CACNA1G: variants seen among roughly 807,000 people sequenced by gnomAD.
CACNA1G encodes the protein calcium voltage-gated channel subunit alpha1 G, also known as voltage-dependent T-type calcium channel subunit alpha-1G.
A neutral mutation model predicts 219.4 loss-of-function variants in CACNA1G; 67 were observed. The observed-to-expected ratio is 0.31, with a 90% CI of 0.25 to 0.37. The LOEUF is 0.37. Among genes scored for constraint, CACNA1G ranks in the 10% least tolerant of loss-of-function variants. CACNA1G has a pLI of 1.00. For missense variants in CACNA1G, 2,380 were observed against 3,231.4 expected, an observed-to-expected ratio of 0.74 and a Z score of 6.39; for synonymous variants, 1,296 against 1,345.3, an observed-to-expected ratio of 0.96 and a Z score of 0.80.
At chr17:50,595,124 C>A in intron 14 of CACNA1G, 63 bp downstream of exon 14, 1 of 1,230,660 alleles carries the variant, frequency 8.1e-7, no homozygotes, top group South Asian at 1.3e-5. Flanking sequence ...CTCCACTCCG[C>A]CTCCGTGTCT....
intron 22 of CACNA1G, among the ~76,000 whole-genome samples, chr17:50,605,621 G>A (rs950378762): frequency 2.6e-5 from 4 of 152,212 alleles, no homozygotes; most frequent in Non-Finnish European, 4.4e-5. Context: ...CTTGGCACAC[G>A]CCTGGCCTAA....
At chr17:50,610,473 T>G (rs748436608) in intron 26 of CACNA1G, among the ~76,000 whole-genome samples, 1 of 152,128 alleles carries the variant, frequency 6.6e-6, no homozygotes, top group African/African-American at 2.4e-5. Flanking sequence ...ACGAGCTTCT[T>G]CCAAAAAAAG....
intron 1 of CACNA1G, chr17:50,562,173 G>C (rs1431546547): frequency 6.5e-6 from 1 of 153,364 alleles, no homozygotes; most frequent in Admixed American, 6.4e-5. Flanking sequence ...CGGAGGAGGG[G>C]GGACCGCAAT....
intron 37 of CACNA1G, among the ~76,000 whole-genome samples, chr17:50,625,372 T>C (rs550566078): frequency 2.6e-5 from 4 of 152,196 alleles, no homozygotes; most frequent in Non-Finnish European, 5.9e-5. Flanking sequence ...CCTTATTCAT[T>C]CTGCAAATAG....
Position 50,616,290 on chromosome 17 carries a change from C to T in CACNA1G, c.4927C>T (p.Leu1643=), listed in dbSNP as rs767363507. The T allele has an allele frequency of 3.7e-6, 6 of 1,611,652 alleles. No homozygotes were observed. The highest frequency in any genetic ancestry group is 5.1e-6 in the Non-Finnish European group (6 of 1,177,782). ...YQQPQILDEA[L]KICNYIFTVI... ...TCCCTGCCAGATTCTGGATGAGGCT[C>T]TGAAGATCTGCAACTACATCTTCAC... The change falls in exon 28 of 38, where the codon CTG becomes TTG. Residue 1643 remains leucine (L), a synonymous_variant. Coordinates refer to ENST00000359106, the MANE Select transcript of CACNA1G (RefSeq NM_018896.5).
intron 9 of CACNA1G, among the ~76,000 whole-genome samples, chr17:50,582,658 G>A (rs561542164): frequency 5.9e-5 from 9 of 152,250 alleles, no homozygotes; most frequent in African/African-American, 2.2e-4. Flanking sequence ...TGCAGGAGTG[G>A]GGCCTTGGAG....
chr17:50,588,582 C>A (rs1263020683), intron 9 of CACNA1G, among the ~76,000 whole-genome samples: 1 of 152,180 alleles, frequency 6.6e-6, no homozygotes, highest in Admixed American at 6.5e-5. Context: ...GTGCTCACGC[C>A]GGAGACACTA....
intron 16 of CACNA1G, among the ~76,000 whole-genome samples, chr17:50,597,831 A>G (rs1598440129): frequency 1.3e-5 from 2 of 152,158 alleles, no homozygotes; most frequent in South Asian, 2.1e-4. Context: ...GCTAATCACC[A>G]TTCCACTCTC....
rs914735629 is a variant in CACNA1G at position 50,560,810 on chromosome 17, GCCAC to G, written c.-648_-645del. Among the ~76,000 whole-genome samples the G allele has an allele frequency of 4.4e-4, 67 of 152,202 alleles. No homozygotes were observed. The highest frequency in any genetic ancestry group is 8.1e-4 in the Non-Finnish European group (55 of 67,942). On this transcript the variant is annotated 5_prime_UTR_variant, in exon 1 of 38. Coordinates refer to ENST00000359106, the MANE Select transcript of CACNA1G (RefSeq NM_018896.5). ...GCCGGCGACAGCTACGGCAGCGGCA[GCCAC>G]CGCGGCGGCTGCGGCGGCGGCATCT... is the stretch of plus-strand genomic sequence containing the variant.
At chr17:50,619,410 C>T (rs2051244376) in intron 33 of CACNA1G, among the ~76,000 whole-genome samples, 1 of 151,822 alleles carries the variant, frequency 6.6e-6, no homozygotes, top group South Asian at 2.1e-4. Context: ...CTCTTTACCG[C>T]TCTCTCTCTC....
At chr17:50,592,888 G>A (rs182485601) in intron 13 of CACNA1G, among the ~76,000 whole-genome samples, 10 of 152,270 alleles carry the variant, frequency 6.6e-5, no homozygotes, top group South Asian at 2.1e-4. Context: ...GGAAACTCCC[G>A]CTGCGGCCTG....
chr17:50,590,940 T>C (rs1015200600), intron 10 of CACNA1G, among the ~76,000 whole-genome samples: 2 of 152,062 alleles, frequency 1.3e-5, no homozygotes, highest in African/African-American at 2.4e-5. Context: ...GAGGGTGAGA[T>C]TGGCTTTAGA....
At chr17:50,591,208 A>C (rs1210901656) in intron 10 of CACNA1G, among the ~76,000 whole-genome samples, 2 of 152,212 alleles carry the variant, frequency 1.3e-5, no homozygotes, top group African/African-American at 2.4e-5. Flanking sequence ...GTCTACTGCC[A>C]GGATGTGATC....
chr17:50,594,719 GTTA>G (rs1408739437), intron 13 of CACNA1G, among the ~76,000 whole-genome samples: 1 of 152,202 alleles, frequency 6.6e-6, no homozygotes, highest in Non-Finnish European at 1.5e-5. Context: ...AATGGTGGCT[GTTA>G]TTATTAGGAT....
At position 50,626,051 on chromosome 17, in the gene CACNA1G, G is replaced by C. The variant is rs753920946; in HGVS notation, c.6434G>C (p.Gly2145Ala). Reference protein sequence around the residue: ...AIRTDSLDVQGLGSREDLLAE... With the variant: ...AIRTDSLDVQALGSREDLLAE... ...AGGACTGACTCCTTGGACGTTCAGG[G>C]TCTGGGCAGCCGGGAAGACCTGCTG... The change falls in exon 38 of 38, where the codon GGT becomes GCT. Residue 2145 changes from glycine to alanine, a missense_variant. Gly to Ala is a moderately conservative substitution (Grantham distance 60). Around this residue, in one of 17 missense-constraint regions of CACNA1G, gnomAD observed 672 missense variants for 670.5 expected, o/e 1.00. Coordinates refer to ENST00000359106, the MANE Select transcript of CACNA1G (RefSeq NM_018896.5). This position sits in a 1 kb window ranked among gnomAD's most constrained non-coding sequence, Gnocchi z 4.3. The C allele has an allele frequency of 4.3e-6, 7 of 1,613,184 alleles. No individual in the cohort carries two copies. In the East Asian group the frequency reaches 1.3e-4, roughly 31 times the overall value.
chr17:50,592,809 C>T (rs1395745164), intron 13 of CACNA1G, among the ~76,000 whole-genome samples: 1 of 152,184 alleles, frequency 6.6e-6, no homozygotes, highest in African/African-American at 2.4e-5. Flanking sequence ...GCAGTTTGAC[C>T]CAACCTAGAA....
intron 8 of CACNA1G, among the ~76,000 whole-genome samples, chr17:50,576,995 T>C (rs1299367862): frequency 6.6e-6 from 1 of 152,208 alleles, no homozygotes; most frequent in Non-Finnish European, 1.5e-5. Flanking sequence ...ACAGGTTCAC[T>C]GTAGCTGCAG....
intron 34 of CACNA1G, 140 bp downstream of exon 34, chr17:50,619,966 G>GCCTCTTGCACT: frequency 1.2e-6 from 1 of 837,180 alleles, no homozygotes; most frequent in Non-Finnish European, 1.8e-6. Context: ...TCAGTTGAGT[G>GCCTCTTGCACT]CAAGAGGCAG....
intron 27 of CACNA1G, 95 bp downstream of exon 27, chr17:50,615,607 C>A: frequency 7.2e-7 from 1 of 1,392,182 alleles, no homozygotes; most frequent in Non-Finnish European, 9.8e-7. Flanking sequence ...TACCTCTGTG[C>A]CAAGCAAGTG....
Sources: gnomAD v4.1 joint callset for allele counts (sites outside exome capture counted in the v4.1 genomes callset) on GRCh38, gnomAD v4.1.1 for gene constraint, gnomAD v4.1.1 regional missense constraint, Gnocchi (gnomAD v3.1) non-coding constraint, MANE v1.5 for transcripts, NCBI Gene and HGNC (gene_info 2026-07-23, HGNC 2026-07-21) for gene names.